The following CATSPERT variants were observed in gnomAD, a reference collection of about 807,000 sequenced individuals.
The protein encoded by CATSPERT is catsper channel auxiliary subunit tau.
the CATSPERT span, among the ~76,000 whole-genome samples, chr2:201,615,588 C>T: frequency 6.6e-6 from 1 of 152,058 alleles, no homozygotes; most frequent in African/African-American, 2.4e-5. Context: ...GCACTAAATG[C>T]CCACAAGAGA....
chr2:201,564,887 G>A, the CATSPERT span, among the ~76,000 whole-genome samples: 1 of 151,998 alleles, frequency 6.6e-6, no homozygotes, highest in Admixed American at 6.6e-5. Flanking sequence ...TAATAAATAT[G>A]TTCAAAGAAT....
At chr2:201,578,136 A>T in the CATSPERT span, among the ~76,000 whole-genome samples, 160 of 152,312 alleles carry the variant, frequency 1.1e-3, no homozygotes, top group African/African-American at 3.4e-3. Context: ...TAGAAATATA[A>T]TATTTCTATA....
At chr2:201,532,339 T>C in the CATSPERT span, among the ~76,000 whole-genome samples, 1 of 152,216 alleles carries the variant, frequency 6.6e-6, no homozygotes, top group Non-Finnish European at 1.5e-5. Context: ...GTTTATATGC[T>C]GAAAAGATTA....
the CATSPERT span, chr2:201,618,802 C>G: frequency 9.9e-7 from 1 of 1,015,094 alleles, no homozygotes; most frequent in South Asian, 1.6e-5. Flanking sequence ...AAGGGAGATG[C>G]AATTGGCACA....
chr2:201,536,203 C>T, the CATSPERT span: 3 of 1,613,490 alleles, frequency 1.9e-6, no homozygotes, highest in African/African-American at 2.7e-5. Flanking sequence ...AATGAGTGCA[C>T]TTCTGTGGGT....
At chr2:201,515,202 GTTTTTTTTTTTTTTTTTTTTTTTTTTT>G in the CATSPERT span, among the ~76,000 whole-genome samples, 33 of 24,662 alleles carry the variant, frequency 1.3e-3, no homozygotes, top group African/African-American at 3.2e-3. Flanking sequence ...TCTGCCCATA[GTTTTTTTTTTTTTTTTTTTTTTTTTTT>G]TTTTTTTTTT....
chr2:201,539,908 A>G, the CATSPERT span, among the ~76,000 whole-genome samples: 1 of 152,174 alleles, frequency 6.6e-6, no homozygotes. Context: ...CTTGCACCAA[A>G]CAGCCCAGAT....
the CATSPERT span, chr2:201,494,877 C>A: frequency 3.5e-6 from 3 of 867,942 alleles, no homozygotes; most frequent in East Asian, 9.6e-5. Context: ...CTCCTACCCT[C>A]CACAAAGGGA....
the CATSPERT span, chr2:201,534,493 T>C: frequency 9.2e-6 from 9 of 983,138 alleles, no homozygotes; most frequent in Non-Finnish European, 1.1e-5. Context: ...GTGGTTAATA[T>C]CTTGAAAATA....
chr2:201,513,948 G>A, the CATSPERT span, among the ~76,000 whole-genome samples: 2 of 152,082 alleles, frequency 1.3e-5, no homozygotes, highest in African/African-American at 4.8e-5. Context: ...CTGAGTAACC[G>A]ATCCATCAAA....
chr2:201,564,654 T>A, the CATSPERT span, among the ~76,000 whole-genome samples: 1 of 152,134 alleles, frequency 6.6e-6, no homozygotes, highest in Non-Finnish European at 1.5e-5. Context: ...ATTGGTACTC[T>A]TATGATAAGA....
At chr2:201,541,531 TTATATATATATATATATATATATATA>T in the CATSPERT span, among the ~76,000 whole-genome samples, 51 of 92,746 alleles carry the variant, frequency 5.5e-4, 2 homozygotes, top group South Asian at 5.0e-3. Flanking sequence ...TCAGATGATT[TTATATATATATATATATATATATATA>T]TATATATATA....
At chr2:201,567,107 C>T in the CATSPERT span, among the ~76,000 whole-genome samples, 1 of 152,320 alleles carries the variant, frequency 6.6e-6, no homozygotes, top group Admixed American at 6.5e-5. Flanking sequence ...TTAAACTCAA[C>T]ATGTCCAAAA....
the CATSPERT span, chr2:201,618,962 GGTTCAGGGC>G: frequency 6.2e-7 from 1 of 1,613,970 alleles, no homozygotes; most frequent in South Asian, 1.1e-5. Context: ...GTCGTGCCCT[GGTTCAGGGC>G]GTAAGGGACC....
chr2:201,495,879 A>G, the CATSPERT span: 2 of 1,506,604 alleles, frequency 1.3e-6, no homozygotes, highest in Non-Finnish European at 1.8e-6. Flanking sequence ...CTGGGATAGA[A>G]TAATTCAGGA....
chr2:201,531,250 C>T, the CATSPERT span, among the ~76,000 whole-genome samples: 95 of 152,060 alleles, frequency 6.2e-4, no homozygotes, highest in Non-Finnish European at 8.5e-4. Flanking sequence ...TGAGCCACCG[C>T]GCCTGGCCGA....
At chr2:201,613,774 A>T in the CATSPERT span, among the ~76,000 whole-genome samples, 6 of 152,300 alleles carry the variant, frequency 3.9e-5, no homozygotes, top group East Asian at 1.2e-3. Flanking sequence ...CTAAAGGAGG[A>T]TGTTCGAACC....
At chr2:201,556,243 C>T in the CATSPERT span, among the ~76,000 whole-genome samples, 1 of 152,212 alleles carries the variant, frequency 6.6e-6, no homozygotes, top group Non-Finnish European at 1.5e-5. Context: ...GGTGCAGTGG[C>T]TTACGCCTGT....
the CATSPERT span, among the ~76,000 whole-genome samples, chr2:201,600,010 A>G: frequency 6.6e-6 from 1 of 152,184 alleles, no homozygotes; most frequent in South Asian, 2.1e-4. Context: ...TGCTTAAAAA[A>G]CTGTCTTCAC....
Sources: allele counts gnomAD v4.1 joint callset (sites outside exome capture counted in the v4.1 genomes callset), GRCh38; gene constraint gnomAD v4.1.1; transcripts MANE v1.5; gene names NCBI Gene and HGNC (gene_info 2026-07-23, HGNC 2026-07-21).